GRAMD4: variants seen among roughly 807,000 people sequenced by gnomAD.
GRAMD4 encodes the protein GRAM domain containing 4.
GRAMD4 carries 25 observed loss-of-function variants against 83.9 expected under a neutral mutation model. The ratio of observed to expected loss-of-function variants is 0.30; its 90% CI spans 0.22 to 0.42. The LOEUF is 0.42. Among genes scored for constraint, GRAMD4 ranks in the 10% least tolerant of loss-of-function variants. The pLI is 1.00. For synonymous variants in GRAMD4, 336 were observed against 320.9 expected (o/e 1.05, Z -0.50); for missense variants, 593 against 788.7 (o/e 0.75, Z 2.97).
At chr22:46,633,812 CG>C (rs1394850060) in intron 2 of GRAMD4, among the ~76,000 whole-genome samples, 8 of 152,006 alleles carry the variant, frequency 5.3e-5, no homozygotes, top group African/African-American at 1.7e-4. Flanking sequence ...GGGTGGGCTC[CG>C]GGGGTCCCGG....
At chr22:46,646,199 G>C (rs907848437) in intron 3 of GRAMD4, among the ~76,000 whole-genome samples, 1 of 152,220 alleles carries the variant, frequency 6.6e-6, no homozygotes, top group Non-Finnish European at 1.5e-5. Context: ...CCCTCGTAGC[G>C]CCAGACACGG....
chr22:46,672,755 G>T lies in GRAMD4; in HGVS notation c.1085-88G>T. The T allele has an allele frequency of 9.8e-7, 1 of 1,021,588 alleles. No individual in the cohort carries two copies. Among genetic ancestry groups the T allele is most frequent in the Non-Finnish European group, 1.5e-6 (1 of 675,884 alleles). 63.3% of individuals were successfully genotyped at this position (1,021,588 alleles called of 1,614,324 possible). A position where few individuals can be genotyped will look rare whatever the true frequency, so the allele number is the denominator to read the frequency against. On this transcript the variant is annotated intron_variant, in intron 13 of 18. Transcript: ENST00000406902. The surrounding 1 kb of genome is among the most constrained non-coding windows in gnomAD (Gnocchi z 4.7). ...CTCAGGGTGGAGGGTGCCAATCTGG[G>T]AGGTGGGAGGTGCCGGAACCATCAC... is the stretch of plus-strand genomic sequence containing the variant.
intron 1 of GRAMD4, among the ~76,000 whole-genome samples, chr22:46,596,892 G>A (rs1432126154): frequency 2.6e-5 from 4 of 152,110 alleles, no homozygotes; most frequent in Non-Finnish European, 4.4e-5. Flanking sequence ...TCCTCTTGGG[G>A]CCTTTTTTCC....
At chr22:46,585,313 C>T (rs2147913885) in intron 1 of GRAMD4, among the ~76,000 whole-genome samples, 1 of 152,168 alleles carries the variant, frequency 6.6e-6, no homozygotes, top group South Asian at 2.1e-4. Context: ...GCCTCAGCCT[C>T]CCGAGTAGCT....
chr22:46,610,239 C>T (rs1481020335), intron 1 of GRAMD4, among the ~76,000 whole-genome samples: 1 of 152,212 alleles, frequency 6.6e-6, no homozygotes, highest in Non-Finnish European at 1.5e-5. Context: ...GGAGCACGTG[C>T]GTGCCTGGTG....
intron 1 of GRAMD4, among the ~76,000 whole-genome samples, chr22:46,608,839 T>C (rs1439161960): frequency 6.6e-6 from 1 of 152,138 alleles, no homozygotes; most frequent in African/African-American, 2.4e-5. Flanking sequence ...TGAAATCCCA[T>C]CTCTACTAAA....
At chr22:46,674,878 C>T in intron 16 of GRAMD4, 128 bp downstream of exon 16, 4 of 705,744 alleles carry the variant, frequency 5.7e-6, no homozygotes, top group Non-Finnish European at 1.0e-5. Flanking sequence ...CTCCCATGCT[C>T]TGCTCTTGCC....
rs2081303087 is a variant in GRAMD4, at chr22:46,600,589, A to C, written c.-50+23299A>C. Among the ~76,000 whole-genome samples the C allele has an allele frequency of 2.0e-5, 3 of 152,180 alleles. No homozygotes were observed. In the South Asian group the frequency reaches 6.2e-4, roughly 32 times the overall value. The stretch of plus-strand genomic sequence containing the variant: ...TGAGTGGGGGAAGCACAGACAGTGC[A>C]CAGGCAGGCATGGAGGAGACAGCGG... On this transcript the variant is annotated intron_variant, in intron 1 of 1. Coordinates refer to the GRAMD4 transcript ENST00000431155.
upstream of GRAMD4, among the ~76,000 whole-genome samples, chr22:46,617,242 CAG>C (rs2081515554): frequency 6.9e-6 from 1 of 145,906 alleles, no homozygotes; most frequent in Non-Finnish European, 1.5e-5. Flanking sequence ...GTAAGTTCCC[CAG>C]TGTGTAGGTT....
chr22:46,594,585 T>TGGGGGG (rs11455830), intron 1 of GRAMD4, among the ~76,000 whole-genome samples: 3 of 135,796 alleles, frequency 2.2e-5, no homozygotes, highest in African/African-American at 2.8e-5. Context: ...TCTGGTTGGG[T>TGGGGGG]GGGGGGGGTT....
At chr22:46,605,832 T>C (rs1269568363) in intron 1 of GRAMD4, among the ~76,000 whole-genome samples, 4 of 149,360 alleles carry the variant, frequency 2.7e-5, no homozygotes, top group African/African-American at 9.9e-5. Context: ...TTATGGCCGG[T>C]GCTGAGCATC....
chr22:46,625,586 G>C (rs1195199328), intron 1 of GRAMD4, among the ~76,000 whole-genome samples: 1 of 152,284 alleles, frequency 6.6e-6, no homozygotes, highest in African/African-American at 2.4e-5. Flanking sequence ...AGCTCAGAAA[G>C]CTGGTCAGTG....
intron 1 of GRAMD4, among the ~76,000 whole-genome samples, chr22:46,584,344 G>A (rs890608587): frequency 3.3e-5 from 5 of 152,148 alleles, no homozygotes; most frequent in African/African-American, 1.2e-4. Flanking sequence ...GGAAATGCAC[G>A]TGTGAGCTGA....
rs888698345 is a variant in GRAMD4, at chr22:46,678,844, C to T, written c.*1593C>T. 37 of 985,972 alleles carry T rather than the reference C, an allele frequency of 3.8e-5. No homozygotes were observed. Among genetic ancestry groups the T allele is most frequent in the South Asian group, 9.4e-5 (2 of 21,296 alleles). 61.1% of individuals were successfully genotyped at this position (985,972 alleles called of 1,614,324 possible). ...GCCGGGGGTGCTTTGGGGGGAGCTG[C>T]GCCGATCACCAGATTAAGCACATGT... On this transcript the variant is annotated 3_prime_UTR_variant, in exon 19 of 19. Transcript: ENST00000406902.
intron 5 of GRAMD4, among the ~76,000 whole-genome samples, chr22:46,661,941 C>T (rs998897424): frequency 2.0e-5 from 3 of 152,254 alleles, no homozygotes; most frequent in African/African-American, 7.2e-5. Context: ...CCACGCCCTG[C>T]AGGCAGCCGG....
rs1414927999 is a variant in GRAMD4 at position 46,662,665 on chromosome 22, A to G, written c.467-375A>G. 2.0e-5 allele frequency among the ~76,000 whole-genome samples: 3 copies of G among 152,200 alleles called. No homozygotes were observed. The East Asian group carries it at 5.8e-4, about 29-fold the overall frequency. On this transcript the variant is annotated intron_variant, in intron 5 of 18. Coordinates refer to ENST00000406902, the MANE Select transcript of GRAMD4 (RefSeq NM_015124.5). ...GCTTTCTGACAACCCGGAGGTAGAA[A>G]GGGGGTTTGATGCAGACGTCTGAGG...
At chr22:46,620,193 C>A, upstream of GRAMD4, 1 of 417,258 alleles carries the variant, frequency 2.4e-6, no homozygotes, top group Non-Finnish European at 3.2e-6. The surrounding 1 kb of genome is among the most constrained non-coding windows in gnomAD (Gnocchi z 4.7). Context: ...GTTCCCTAGA[C>A]ACTGTTGCCT....
chr22:46,680,557 T>C (rs900768812), downstream of GRAMD4, among the ~76,000 whole-genome samples: 2 of 135,540 alleles, frequency 1.5e-5, no homozygotes, highest in African/African-American at 3.0e-5. Context: ...CGTCCGTCCG[T>C]CCGTCCGTCC....
At chr22:46,588,036 A>G (rs1231953005) in intron 1 of GRAMD4, 4 of 794,458 alleles carry the variant, frequency 5.0e-6, no homozygotes, top group Non-Finnish European at 6.1e-6. Flanking sequence ...TTGGCTCTAG[A>G]TGTCGGGTTT....
Sources: gnomAD v4.1 joint callset for allele counts (sites outside exome capture counted in the v4.1 genomes callset) on GRCh38, gnomAD v4.1.1 for gene constraint, Gnocchi (gnomAD v3.1) non-coding constraint, MANE v1.5 for transcripts, NCBI Gene and HGNC (gene_info 2026-07-23, HGNC 2026-07-21) for gene names.